Variants in TENM4 observed in about 807,000 individuals in gnomAD.
The protein encoded by TENM4 is teneurin transmembrane protein 4.
TENM4 carries 82 observed loss-of-function variants against 243.3 expected under a neutral mutation model. The observed-to-expected ratio is 0.34, with a 90% confidence interval of 0.28 to 0.40. The LOEUF is 0.40. Ranked by LOEUF, TENM4 falls within the 10% of genes least tolerant of loss-of-function variation. The pLI is 1.00. For synonymous variants in TENM4, 1,412 were observed against 1,456.3 expected, an observed-to-expected ratio of 0.97 and a Z score of 0.69; for missense variants, 3,138 against 3,673.3, an observed-to-expected ratio of 0.85 and a Z score of 3.77.
chr11:79,290,495 C>T (rs1856336663), intron 2 of TENM4, among the ~76,000 whole-genome samples: 1 of 152,120 alleles, frequency 6.6e-6, no homozygotes, highest in South Asian at 2.1e-4. Context: ...AAGTGTCTAC[C>T]TCTGCTGCTT....
chr11:79,427,920 C>A (rs1859089155), intron 1 of TENM4, among the ~76,000 whole-genome samples: 1 of 152,188 alleles, frequency 6.6e-6, no homozygotes, highest in Non-Finnish European at 1.5e-5. Context: ...CTTCACACTA[C>A]AATTGCCTCC....
At chr11:78,700,066 G>A (rs1478607667) in intron 28 of TENM4, among the ~76,000 whole-genome samples, 1 of 152,172 alleles carries the variant, frequency 6.6e-6, no homozygotes, top group Non-Finnish European at 1.5e-5. Context: ...TGTACAAATC[G>A]CTGTGACATG....
intron 32 of TENM4, among the ~76,000 whole-genome samples, chr11:78,666,446 C>T (rs376133686): frequency 4.6e-5 from 7 of 152,106 alleles, no homozygotes; most frequent in Non-Finnish European, 7.4e-5. Context: ...TGCCTTGGAC[C>T]CTGTGATCTA....
intron 22 of TENM4, among the ~76,000 whole-genome samples, chr11:78,728,018 T>C (rs1168186191): frequency 6.6e-6 from 1 of 152,152 alleles, no homozygotes; most frequent in Non-Finnish European, 1.5e-5. Context: ...CTGTGGTCAC[T>C]TGTGATCTTA....
intron 1 of TENM4, among the ~76,000 whole-genome samples, chr11:79,363,522 T>C (rs1040122928): frequency 1.3e-5 from 2 of 152,230 alleles, no homozygotes; most frequent in Non-Finnish European, 2.9e-5. Flanking sequence ...CTATCCGCTG[T>C]CTCTGAAACT....
At chr11:78,908,669 G>A (rs570686031) in intron 6 of TENM4, among the ~76,000 whole-genome samples, 63 of 152,348 alleles carry the variant, frequency 4.1e-4, no homozygotes, top group South Asian at 2.3e-3. Context: ...GAGAATGGCT[G>A]TAGCCCTGAC....
intron 12 of TENM4, among the ~76,000 whole-genome samples, chr11:78,835,968 A>G (rs1205274694): frequency 1.3e-5 from 2 of 152,242 alleles, no homozygotes; most frequent in African/African-American, 4.8e-5. Context: ...CCGAATAAAC[A>G]CATTCACAAA....
intron 1 of TENM4, among the ~76,000 whole-genome samples, chr11:79,353,607 A>G (rs560517848): frequency 1.3e-5 from 2 of 152,296 alleles, no homozygotes; most frequent in East Asian, 3.9e-4. Context: ...GACGCTTGGT[A>G]CCTGAAAAAC....
intron 6 of TENM4, among the ~76,000 whole-genome samples, chr11:79,036,082 G>A (rs971722026): frequency 1.3e-5 from 2 of 152,158 alleles, no homozygotes; most frequent in Non-Finnish European, 2.9e-5. Flanking sequence ...CTAGGGCATC[G>A]CTGCTCGACT....
intron 32 of TENM4, among the ~76,000 whole-genome samples, chr11:78,666,934 G>A (rs960534949): frequency 3.3e-5 from 5 of 152,090 alleles, no homozygotes; most frequent in Non-Finnish European, 7.4e-5. Context: ...GTAATATTTT[G>A]GAAAGATGCA....
chr11:79,278,374 C>T (rs970495794), intron 2 of TENM4, among the ~76,000 whole-genome samples: 43 of 152,160 alleles, frequency 2.8e-4, no homozygotes, highest in African/African-American at 6.0e-4. Flanking sequence ...GTCAATTTGA[C>T]GGCTGTCCTA....
intron 1 of TENM4, among the ~76,000 whole-genome samples, chr11:79,344,321 C>T (rs559612280): frequency 1.2e-4 from 18 of 152,256 alleles, no homozygotes; most frequent in African/African-American, 4.3e-4. Flanking sequence ...GAAGATACGT[C>T]TCTTCCCTAT....
chr11:78,900,622 C>T (rs866937222), intron 7 of TENM4, among the ~76,000 whole-genome samples: 6 of 152,222 alleles, frequency 3.9e-5, no homozygotes, highest in African/African-American at 1.2e-4. Context: ...TTATATATCA[C>T]ATTTACTTCC....
At chr11:78,990,309 C>G (rs1223324478) in intron 6 of TENM4, among the ~76,000 whole-genome samples, 1 of 152,144 alleles carries the variant, frequency 6.6e-6, no homozygotes, top group Non-Finnish European at 1.5e-5. Flanking sequence ...AGTCTCCAGT[C>G]TCTTCTGCTC....
chr11:79,307,181 G>T (rs1307362603), intron 1 of TENM4, among the ~76,000 whole-genome samples: 2 of 152,112 alleles, frequency 1.3e-5, no homozygotes, highest in Non-Finnish European at 2.9e-5. Context: ...GGACATGGAG[G>T]CTCAGAGAGG....
At chr11:79,309,021 C>T (rs926204595) in intron 1 of TENM4, among the ~76,000 whole-genome samples, 7 of 151,912 alleles carry the variant, frequency 4.6e-5, no homozygotes, top group African/African-American at 1.7e-4. Flanking sequence ...AGCAGAATGC[C>T]TATAGAGATA....
chr11:79,057,842 C>G (rs1279089240), intron 6 of TENM4, among the ~76,000 whole-genome samples: 1 of 152,162 alleles, frequency 6.6e-6, no homozygotes, highest in Non-Finnish European at 1.5e-5. Context: ...ATATGACAAA[C>G]CTTCTCTTGG....
Position 78,669,279 on chromosome 11 carries a change from A to G in TENM4, c.7066T>C (p.Phe2356Leu). 1 of 1,613,768 alleles carries G rather than the reference A, an allele frequency of 6.2e-7. No individual in the cohort carries two copies. Among genetic ancestry groups the G allele is most frequent in the Non-Finnish European group, 8.5e-7 (1 of 1,179,852 alleles). The change falls in exon 32 of 34, where the codon TTT becomes CTT. Residue 2356 changes from phenylalanine (F) to leucine (L), a missense_variant. Phe to Leu is a conservative substitution (Grantham distance 22). Transcript: ENST00000278550. The surrounding 1 kb of genome is among the most constrained non-coding windows in gnomAD (Gnocchi z 6.4). ...FAMELSSGDE[F>L]YIACDNIGTP... ...CCGATGTTGTCACAAGCTATGTAAA[A>G]CTCATCACCACTGCTCAGCTCCATG...
intron 18 of TENM4, among the ~76,000 whole-genome samples, chr11:78,758,554 C>G (rs1228440480): frequency 5.9e-5 from 9 of 152,176 alleles, no homozygotes; most frequent in African/African-American, 2.2e-4. Flanking sequence ...ATACCTACTT[C>G]TCTAGTTTTC....
Sources: allele counts gnomAD v4.1 joint callset (sites outside exome capture counted in the v4.1 genomes callset), GRCh38; gene constraint gnomAD v4.1.1; non-coding constraint Gnocchi (gnomAD v3.1); transcripts MANE v1.5; gene names NCBI Gene and HGNC (gene_info 2026-07-23, HGNC 2026-07-21).